Variants in SYTL2 observed in about 807,000 individuals in gnomAD.
SYTL2 encodes the protein synaptotagmin-like protein 2.
SYTL2 carries 165 observed loss-of-function variants against 198.7 expected under a neutral mutation model. That is an observed-to-expected ratio of 0.83 (90% CI 0.73 to 0.94). SYTL2 has a LOEUF of 0.94. Among genes scored for constraint, SYTL2 ranks in the 40% least tolerant of loss-of-function variants. The pLI is 0.00. For synonymous variants in SYTL2, 966 were observed against 917.7 expected (o/e 1.05, Z -0.95); for missense variants, 2,835 against 2,582.8 (o/e 1.10, Z -2.12).
chr11:85,802,372 C>T (rs1346066301), intron 1 of SYTL2, among the ~76,000 whole-genome samples: 8 of 152,060 alleles, frequency 5.3e-5, no homozygotes, highest in Non-Finnish European at 1.2e-4. Flanking sequence ...CAGGTGCCCA[C>T]CACCAGGCCC....
At chr11:85,833,557 A>G in the SYTL2 span, among the ~76,000 whole-genome samples, 3 of 151,784 alleles carry the variant, frequency 2.0e-5, no homozygotes, top group African/African-American at 7.2e-5. Flanking sequence ...GAAAATTGCT[A>G]ACTACAAGTT....
chr11:85,791,506 C>T (rs1271657487), intron 1 of SYTL2, among the ~76,000 whole-genome samples: 3 of 152,208 alleles, frequency 2.0e-5, no homozygotes, highest in Non-Finnish European at 2.9e-5. Context: ...CTCAGTATCT[C>T]ATCCATATAA....
At position 85,736,580 on chromosome 11, in the gene SYTL2, T is replaced by C; in HGVS notation, c.507A>G (p.Pro169=). The change falls in exon 6 of 20, where the codon CCA becomes CCG. Residue 169 remains proline (P), a synonymous_variant. Transcript: ENST00000359152. ...TAGTTTGTTGTGATGAGTGACCTTCTGGCAACTTGGAGCTATTAAACGGAT... is the reference window on the plus strand; with the variant it reads ...TAGTTTGTTGTGATGAGTGACCTTCCGGCAACTTGGAGCTATTAAACGGAT... ...RKNPFNSSKL[P]EGHSSQQTKN... The C allele has an allele frequency of 6.2e-7, 1 of 1,605,178 alleles. No individual in the cohort carries two copies. The highest frequency in any genetic ancestry group is 8.5e-7 in the Non-Finnish European group (1 of 1,173,014).
At chr11:85,792,605 C>A (rs2092745647) in intron 1 of SYTL2, among the ~76,000 whole-genome samples, 1 of 149,486 alleles carries the variant, frequency 6.7e-6, no homozygotes, top group Admixed American at 6.8e-5. Context: ...ACCTAAGATT[C>A]TTAGTTTCAG....
the SYTL2 span, among the ~76,000 whole-genome samples, chr11:85,848,051 A>AC: frequency 2.0e-5 from 3 of 151,858 alleles, no homozygotes; most frequent in Admixed American, 6.6e-5. Flanking sequence ...ACAAGACAAG[A>AC]CCCCCATCTC....
intron 1 of SYTL2, among the ~76,000 whole-genome samples, chr11:85,800,056 T>G (rs2092862609): frequency 6.6e-6 from 1 of 152,170 alleles, no homozygotes; most frequent in African/African-American, 2.4e-5. Context: ...CTCACACCCT[T>G]GGTCACTGCA....
At chr11:85,770,379 T>G (rs2092330641) in intron 1 of SYTL2, among the ~76,000 whole-genome samples, 1 of 152,138 alleles carries the variant, frequency 6.6e-6, no homozygotes, top group Non-Finnish European at 1.5e-5. Flanking sequence ...ATGGCTTCAT[T>G]CACTCCTGGT....
At position 85,709,513 on chromosome 11, in the gene SYTL2, G is replaced by C; in HGVS notation, c.5746-13C>G. On this transcript the variant is annotated splice_polypyrimidine_tract_variant and intron_variant, in intron 13 of 19. Coordinates refer to ENST00000359152, the MANE Select transcript of SYTL2 (RefSeq NM_206927.4). ...CACTGCCACTCACCTGAAAGCATCA[G>C]AAATACATAGTGTTTGTCTCTATCT... 3 of 1,611,958 alleles carry C rather than the reference G, an allele frequency of 1.9e-6. No individual in the cohort carries two copies. The highest frequency in any genetic ancestry group is 2.5e-6 in the Non-Finnish European group (3 of 1,179,162).
At chr11:85,843,091 G>A in the SYTL2 span, among the ~76,000 whole-genome samples, 2 of 152,132 alleles carry the variant, frequency 1.3e-5, no homozygotes, top group African/African-American at 2.4e-5. Flanking sequence ...AGTCTAAAAT[G>A]GGCCAGGCAT....
intron 4 of SYTL2, among the ~76,000 whole-genome samples, chr11:85,745,356 A>G (rs1445161419): frequency 1.3e-5 from 2 of 150,772 alleles, no homozygotes; most frequent in African/African-American, 2.4e-5. Flanking sequence ...GGAGAAATCC[A>G]TGGGAGAAAT....
At chr11:85,811,712 G>A (rs908766837), upstream of SYTL2, among the ~76,000 whole-genome samples, 2 of 152,216 alleles carry the variant, frequency 1.3e-5, no homozygotes, top group African/African-American at 4.8e-5. Context: ...AGGGCGTCAT[G>A]CACTGCCTGA....
the SYTL2 span, among the ~76,000 whole-genome samples, chr11:85,850,487 C>T: frequency 6.6e-6 from 1 of 151,696 alleles, no homozygotes; most frequent in African/African-American, 2.4e-5. Context: ...TACCATCTCA[C>T]ACCAGTTAGA....
rs749683248 is a variant in SYTL2, at chr11:85,698,085, T to G, written c.6269-7A>C. On this transcript the variant is annotated splice_polypyrimidine_tract_variant and splice_region_variant and intron_variant, in intron 17 of 19. Coordinates refer to ENST00000359152, the MANE Select transcript of SYTL2 (RefSeq NM_206927.4). ...GTTGTAGGAAGCTTTTTACCTACAA[T>G]AGAAAAAGAAGAGAAAATTTTCACT... 6.2e-7 allele frequency: 1 copy of G among 1,602,736 alleles called. No individual in the cohort carries two copies. Among genetic ancestry groups the G allele is most frequent in the African/African-American group, 1.3e-5 (1 of 74,584 alleles).
intron 1 of SYTL2, among the ~76,000 whole-genome samples, chr11:85,780,681 G>A (rs943426629): frequency 6.6e-6 from 1 of 152,078 alleles, no homozygotes; most frequent in African/African-American, 2.4e-5. Flanking sequence ...CATATCCTTT[G>A]CAATATCCTT....
intron 7 of SYTL2, among the ~76,000 whole-genome samples, chr11:85,731,335 A>G (rs1187237477): frequency 6.6e-6 from 1 of 152,228 alleles, no homozygotes; most frequent in Non-Finnish European, 1.5e-5. Flanking sequence ...TTCAAACTAT[A>G]CTACAAGGCT....
intron 1 of SYTL2, among the ~76,000 whole-genome samples, chr11:85,810,727 C>G (rs2093020975): frequency 6.6e-6 from 1 of 152,194 alleles, no homozygotes; most frequent in South Asian, 2.1e-4. Flanking sequence ...GCTTCCTGGC[C>G]GCCTGGGCAG....
At chr11:85,756,018 T>C (rs991779923) in intron 2 of SYTL2, among the ~76,000 whole-genome samples, 7 of 152,186 alleles carry the variant, frequency 4.6e-5, no homozygotes, top group African/African-American at 1.4e-4. Context: ...TTTCCCCTTA[T>C]GCTTAAAGAA....
the SYTL2 span, chr11:85,852,717 C>A: frequency 4.3e-6 from 1 of 232,716 alleles, no homozygotes. Context: ...ATGATCACGG[C>A]TAGCTATAAC....
intron 18 of SYTL2, 113 bp downstream of exon 18, chr11:85,697,865 TA>T: frequency 1.6e-6 from 1 of 640,300 alleles, no homozygotes; most frequent in Non-Finnish European, 2.7e-6. Flanking sequence ...TTATCCCAAG[TA>T]AATTCATTTA....
Sources: gnomAD v4.1 joint callset for allele counts (sites outside exome capture counted in the v4.1 genomes callset) on GRCh38, gnomAD v4.1.1 for gene constraint, MANE v1.5 for transcripts, NCBI Gene and HGNC (gene_info 2026-07-23, HGNC 2026-07-21) for gene names.